KLHL1: variants seen among roughly 807,000 people sequenced by gnomAD.
KLHL1 encodes the protein kelch-like protein 1.
A neutral mutation model predicts 77.7 loss-of-function variants in KLHL1; 47 were observed. The observed-to-expected ratio is 0.60, with a 90% CI of 0.48 to 0.77. KLHL1 has a LOEUF of 0.77. KLHL1 is among the 30% of genes least tolerant of loss of function. KLHL1 has a pLI of 0.00. For missense variants in KLHL1, 925 were observed against 910.8 expected, an observed-to-expected ratio of 1.02 and a Z score of -0.20; for synonymous variants, 360 against 325.2, an observed-to-expected ratio of 1.11 and a Z score of -1.15.
chr13:70,030,815 T>G (rs1056625070), intron 1 of KLHL1, among the ~76,000 whole-genome samples: 1 of 152,110 alleles, frequency 6.6e-6, no homozygotes, highest in African/African-American at 2.4e-5. Flanking sequence ...GCTGGTTATT[T>G]GAAAAGTTCA....
At chr13:70,013,870 T>C (rs1031747194) in intron 1 of KLHL1, among the ~76,000 whole-genome samples, 21 of 152,138 alleles carry the variant, frequency 1.4e-4, no homozygotes, top group African/African-American at 5.1e-4. Context: ...TAAAGCACTT[T>C]CTCGCTACTT....
intron 1 of KLHL1, among the ~76,000 whole-genome samples, chr13:70,092,582 G>A (rs1887694622): frequency 6.6e-6 from 1 of 152,010 alleles, no homozygotes; most frequent in Non-Finnish European, 1.5e-5. Context: ...AATAGCACTT[G>A]ATATTATAAT....
At chr13:70,033,578 T>A (rs2137369356) in intron 1 of KLHL1, among the ~76,000 whole-genome samples, 1 of 147,688 alleles carries the variant, frequency 6.8e-6, no homozygotes. Context: ...AGTGCTGGGA[T>A]TACAGGTGTG....
At chr13:69,792,906 G>A (rs1391070610) in intron 7 of KLHL1, among the ~76,000 whole-genome samples, 1 of 152,064 alleles carries the variant, frequency 6.6e-6, no homozygotes, top group Non-Finnish European at 1.5e-5. Context: ...AATGTATTGG[G>A]TATAGGATTT....
At chr13:69,907,652 G>A (rs2138237631) in intron 4 of KLHL1, among the ~76,000 whole-genome samples, 1 of 152,026 alleles carries the variant, frequency 6.6e-6, no homozygotes, top group Admixed American at 6.6e-5. Context: ...AGAAAAAGGG[G>A]ATAATTAGAA....
At chr13:69,916,014 G>A (rs1167765565) in intron 4 of KLHL1, among the ~76,000 whole-genome samples, 1 of 152,318 alleles carries the variant, frequency 6.6e-6, no homozygotes, top group South Asian at 2.1e-4. Context: ...GGCCATCAGA[G>A]AGATGCAAAT....
chr13:69,807,172 G>A (rs1243903698), intron 6 of KLHL1, among the ~76,000 whole-genome samples: 2 of 152,150 alleles, frequency 1.3e-5, no homozygotes, highest in Admixed American at 1.3e-4. Flanking sequence ...TCACTGCTCT[G>A]CAAGGAGCTG....
chr13:70,107,405 C>A lies in KLHL1; in HGVS notation c.295G>T (p.Val99Phe), dbSNP rs745500610. 1 of 1,613,280 alleles carries A rather than the reference C, an allele frequency of 6.2e-7. No individual in the cohort carries two copies. Among genetic ancestry groups the A allele is most frequent in the South Asian group, 1.1e-5 (1 of 91,082 alleles). Residue 99 changes from valine (V) to phenylalanine (F), a missense_variant, in exon 1 of 11, where the codon GTT (valine) becomes TTT (phenylalanine). Val to Phe is a conservative substitution (Grantham distance 50). Coordinates refer to ENST00000377844, the MANE Select transcript of KLHL1 (RefSeq NM_020866.3). ...FNPLNGTLLP[V>F]ATRLQQGAPG... ...GCCCCTTGCTGCAGCCTCGTGGCAACTGGAAGCAGGGTGCCATTCAGCGGA... is the reference window on the plus strand; with the variant it reads ...GCCCCTTGCTGCAGCCTCGTGGCAAATGGAAGCAGGGTGCCATTCAGCGGA...
intron 6 of KLHL1, among the ~76,000 whole-genome samples, chr13:69,806,790 G>A (rs1026120937): frequency 6.6e-6 from 1 of 152,176 alleles, no homozygotes; most frequent in Non-Finnish European, 1.5e-5. Flanking sequence ...ACCTCAGTGG[G>A]AAGCCATTTT....
chr13:70,080,129 G>C (rs1887359069), intron 1 of KLHL1, among the ~76,000 whole-genome samples: 1 of 152,148 alleles, frequency 6.6e-6, no homozygotes, highest in Non-Finnish European at 1.5e-5. Flanking sequence ...GTAAGAATCT[G>C]GCAGAGTCTG....
At chr13:69,761,517 AACTTCATT>A (rs2137965764) in intron 7 of KLHL1, among the ~76,000 whole-genome samples, 1 of 152,256 alleles carries the variant, frequency 6.6e-6, no homozygotes, top group African/African-American at 2.4e-5. Flanking sequence ...ATTTGGGATA[AACTTCATT>A]TAACAGTATA....
At chr13:69,872,211 T>A (rs1828174577) in intron 5 of KLHL1, among the ~76,000 whole-genome samples, 1 of 152,072 alleles carries the variant, frequency 6.6e-6, no homozygotes, top group Non-Finnish European at 1.5e-5. Context: ...TGTGCATAGA[T>A]CACATGGTAA....
At position 69,943,118 on chromosome 13, in the gene KLHL1, C is replaced by T. The variant is rs556142956; in HGVS notation, c.818-2882G>A. The stretch of plus-strand genomic sequence containing the variant: ...TCTTTTTTCTTTTTTGCAAGGACAC[C>T]GTATAGGTGATCTTGTACCCTGCTC... On this transcript the variant is annotated intron_variant, in intron 3 of 10. Coordinates refer to ENST00000377844, the MANE Select transcript of KLHL1 (RefSeq NM_020866.3). 5.9e-5 allele frequency among the ~76,000 whole-genome samples: 9 copies of T among 151,798 alleles called. No individual in the cohort carries two copies. In the East Asian group the frequency reaches 1.2e-3, roughly 20 times the overall value.
intron 4 of KLHL1, chr13:69,895,039 C>T: frequency 2.0e-6 from 1 of 504,346 alleles, no homozygotes; most frequent in Non-Finnish European, 4.0e-6. Context: ...TTCCAAGGTT[C>T]CTACTGATGT....
At chr13:69,905,144 T>C (rs868103480) in intron 4 of KLHL1, among the ~76,000 whole-genome samples, 1 of 152,158 alleles carries the variant, frequency 6.6e-6, no homozygotes, top group African/African-American at 2.4e-5. Context: ...GGATAGATTA[T>C]GTTTGTCATA....
chr13:69,916,418 T>C (rs569876572), intron 4 of KLHL1, among the ~76,000 whole-genome samples: 1 of 151,548 alleles, frequency 6.6e-6, no homozygotes, highest in Non-Finnish European at 1.5e-5. Context: ...CCATAAAAAA[T>C]GATGAGTTCA....
Position 69,932,938 on chromosome 13 carries a change from T to TA in KLHL1, c.1014+7101dup, listed in dbSNP as rs1484598013. ...TTTATTAATTTGATTTTGATAACCA[T>TA]AAAAAAAGAGTTCTCCATCTAATTC... is the stretch of plus-strand genomic sequence containing the variant. On this transcript the variant is annotated intron_variant, in intron 4 of 10. Transcript: ENST00000377844. Among the ~76,000 whole-genome samples, 15 of 151,932 alleles carry TA rather than the reference T, an allele frequency of 9.9e-5. No homozygotes were observed. In the East Asian group the frequency reaches 2.5e-3, roughly 25 times the overall value.
At chr13:69,725,835 G>A (rs1373480170) in intron 8 of KLHL1, among the ~76,000 whole-genome samples, 1 of 152,100 alleles carries the variant, frequency 6.6e-6, no homozygotes, top group Non-Finnish European at 1.5e-5. Flanking sequence ...GGATTGACAA[G>A]CTTTCTCATG....
chr13:70,090,314 T>C (rs1887642305), intron 1 of KLHL1, among the ~76,000 whole-genome samples: 1 of 152,036 alleles, frequency 6.6e-6, no homozygotes, highest in Non-Finnish European at 1.5e-5. Flanking sequence ...ATTACTGAAG[T>C]GAGAACAGGC....
Sources: gnomAD v4.1 joint callset for allele counts (sites outside exome capture counted in the v4.1 genomes callset) on GRCh38, gnomAD v4.1.1 for gene constraint, MANE v1.5 for transcripts, NCBI Gene and HGNC (gene_info 2026-07-23, HGNC 2026-07-21) for gene names.